NCOA7: variants seen among roughly 807,000 people sequenced by gnomAD.
The protein encoded by NCOA7 is nuclear receptor coactivator 7, also known as 140 kDa estrogen receptor-associated protein.
NCOA7 carries 45 observed loss-of-function variants against 104.3 expected under a neutral mutation model. That is an observed-to-expected ratio of 0.43 (90% confidence interval 0.34 to 0.55). NCOA7 has a LOEUF of 0.55. Among genes scored for constraint, NCOA7 ranks in the 20% least tolerant of loss-of-function variants. NCOA7 has a pLI of 0.02. For synonymous variants in NCOA7, 398 were observed against 402.3 expected (o/e 0.99, Z 0.13); for missense variants, 1,041 against 1,119.7 (o/e 0.93, Z 1.00).
At chr6:125,902,479 AT>A (rs1168526433) in intron 10 of NCOA7, among the ~76,000 whole-genome samples, 1 of 149,472 alleles carries the variant, frequency 6.7e-6, no homozygotes, top group Non-Finnish European at 1.5e-5. Context: ...ACTCATAGCC[AT>A]GTTTTTTTTT....
chr6:125,880,479 C>T (rs1249144451), intron 5 of NCOA7, among the ~76,000 whole-genome samples: 2 of 151,704 alleles, frequency 1.3e-5, no homozygotes, highest in Non-Finnish European at 2.9e-5. Flanking sequence ...TACTTACCCA[C>T]CTTGCTCTCT....
intron 10 of NCOA7, among the ~76,000 whole-genome samples, chr6:125,897,242 C>G (rs1020521314): frequency 1.3e-5 from 2 of 152,168 alleles, no homozygotes; most frequent in South Asian, 2.1e-4. Context: ...CCATGGTTGC[C>G]TGGACCAAAG....
intron 2 of NCOA7, among the ~76,000 whole-genome samples, chr6:125,823,018 T>C (rs1048403802): frequency 1.3e-5 from 2 of 150,908 alleles, no homozygotes; most frequent in Non-Finnish European, 2.9e-5. Flanking sequence ...TATATGGGCA[T>C]GGAAGGAGAA....
At chr6:125,830,185 G>T (rs911061193) in intron 2 of NCOA7, among the ~76,000 whole-genome samples, 1 of 151,896 alleles carries the variant, frequency 6.6e-6, no homozygotes, top group Non-Finnish European at 1.5e-5. Flanking sequence ...TTGTTACTTC[G>T]AATCCATACA....
intron 10 of NCOA7, among the ~76,000 whole-genome samples, chr6:125,897,762 C>A (rs544577709): frequency 6.6e-6 from 1 of 152,148 alleles, no homozygotes; most frequent in Non-Finnish European, 1.5e-5. Context: ...TCACTGCAGC[C>A]TCCGTCTCCT....
chr6:125,877,994 A>G (rs553919974), intron 4 of NCOA7, among the ~76,000 whole-genome samples: 3 of 152,266 alleles, frequency 2.0e-5, no homozygotes, highest in South Asian at 4.1e-4. Flanking sequence ...CCTTTACTTC[A>G]TGCGCCTCAG....
intron 6 of NCOA7, among the ~76,000 whole-genome samples, chr6:125,881,996 G>A (rs1434427480): frequency 6.6e-6 from 1 of 152,138 alleles, no homozygotes; most frequent in African/African-American, 2.4e-5. Context: ...TGGGATTACA[G>A]GCACCGGCCA....
chr6:125,822,541 CT>C (rs1778282446), intron 2 of NCOA7, among the ~76,000 whole-genome samples: 1 of 152,204 alleles, frequency 6.6e-6, no homozygotes, highest in Non-Finnish European at 1.5e-5. Flanking sequence ...CCCCAAATCC[CT>C]GTCTGCTGTG....
At chr6:125,913,079 ATCTGTT>A (rs1346644453) in intron 10 of NCOA7, among the ~76,000 whole-genome samples, 2 of 152,176 alleles carry the variant, frequency 1.3e-5, no homozygotes, top group African/African-American at 4.8e-5. Flanking sequence ...AACCATTTGG[ATCTGTT>A]TCTTTTATAG....
At chr6:125,900,422 C>T (rs1296002515) in intron 10 of NCOA7, among the ~76,000 whole-genome samples, 3 of 152,144 alleles carry the variant, frequency 2.0e-5, no homozygotes, top group Non-Finnish European at 4.4e-5. Context: ...TTTTTATAAC[C>T]ACAACTGCTG....
chr6:125,821,658 A>T (rs1406184720), intron 2 of NCOA7, among the ~76,000 whole-genome samples: 2 of 152,210 alleles, frequency 1.3e-5, no homozygotes, highest in African/African-American at 4.8e-5. Flanking sequence ...TTATCAACTT[A>T]TTCATCTATA....
At chr6:125,818,813 A>G in intron 2 of NCOA7, 1 of 152,382 alleles carries the variant, frequency 6.6e-6, no homozygotes, top group Non-Finnish European at 1.5e-5. Flanking sequence ...AACTTACTTG[A>G]AAGCTGGTTT....
At chr6:125,850,232 A>T (rs1418043575) in intron 2 of NCOA7, among the ~76,000 whole-genome samples, 1 of 152,184 alleles carries the variant, frequency 6.6e-6, no homozygotes, top group Non-Finnish European at 1.5e-5. Context: ...TTCCAGAAAC[A>T]CATCTGATTT....
intron 2 of NCOA7, among the ~76,000 whole-genome samples, chr6:125,833,842 G>T (rs1285783965): frequency 6.6e-6 from 1 of 152,036 alleles, no homozygotes; most frequent in Admixed American, 6.6e-5. Context: ...ACTCAGTTTT[G>T]CCCCTAACTT....
At chr6:125,895,053 TC>T (rs1169455894) in intron 10 of NCOA7, among the ~76,000 whole-genome samples, 3 of 152,110 alleles carry the variant, frequency 2.0e-5, no homozygotes, top group Non-Finnish European at 4.4e-5. Context: ...ATTGTCTTTT[TC>T]CCCCCTTCCC....
rs144393618 is a variant in NCOA7, at chr6:125,912,552, G to A, written c.2097-2781G>A. 1.1e-3 allele frequency among the ~76,000 whole-genome samples: 161 copies of A among 152,296 alleles called. 1 individual carries two copies. In the East Asian group the frequency reaches 0.016, roughly 15 times the overall value. ...AAGGCCCTGAGCTCTGGGGGCCCAC[G>A]GTATTTATTGGTAATCCAACAAAGA... On this transcript the variant is annotated intron_variant, in intron 10 of 15. Transcript: ENST00000392477.
chr6:125,783,296 A>G (rs2128536198), intron 1 of NCOA7, among the ~76,000 whole-genome samples: 1 of 152,344 alleles, frequency 6.6e-6, no homozygotes, highest in Admixed American at 6.5e-5. Context: ...CAAATGTTGG[A>G]AAAAGCAAAT....
chr6:125,883,383 A>G (rs1784005372), intron 7 of NCOA7, among the ~76,000 whole-genome samples: 1 of 152,248 alleles, frequency 6.6e-6, no homozygotes, highest in Non-Finnish European at 1.5e-5. Context: ...CACATAACAT[A>G]CAGTTCACCC....
At chr6:125,890,867 G>T in intron 10 of NCOA7, 57 bp downstream of exon 10, 1 of 1,380,178 alleles carries the variant, frequency 7.2e-7, no homozygotes. Flanking sequence ...ATGGCGTTTT[G>T]ATATTCTTTA....
Sources: gnomAD v4.1 joint callset for allele counts (sites outside exome capture counted in the v4.1 genomes callset) on GRCh38, gnomAD v4.1.1 for gene constraint, MANE v1.5 for transcripts, NCBI Gene and HGNC (gene_info 2026-07-23, HGNC 2026-07-21) for gene names.